Variants in RAD51B observed in about 807,000 individuals in gnomAD.
RAD51B encodes the protein DNA repair protein RAD51 homolog 2.
In RAD51B, 38 loss-of-function variants were observed where a neutral mutation model predicts 42.2. The ratio of observed to expected loss-of-function variants is 0.90; its 90% CI spans 0.70 to 1.18. The LOEUF (loss-of-function observed/expected upper bound fraction) is 1.18. RAD51B is among the 50% of genes most tolerant of loss of function. The pLI is 0.00. For missense variants in RAD51B, 373 were observed against 400.7 expected, an observed-to-expected ratio of 0.93 and a Z score of 0.59; for synonymous variants, 154 against 145.2, an observed-to-expected ratio of 1.06 and a Z score of -0.43.
chr14:68,358,581 T>C (rs1304325230), intron 8 of RAD51B, among the ~76,000 whole-genome samples: 1 of 152,234 alleles, frequency 6.6e-6, no homozygotes, highest in African/African-American at 2.4e-5. Flanking sequence ...AATATCTTAC[T>C]GTCATTTATG....
chr14:68,653,375 C>CA (rs905710156), intron 11 of RAD51B, among the ~76,000 whole-genome samples: 2 of 99,758 alleles, frequency 2.0e-5, no homozygotes, highest in Non-Finnish European at 4.7e-5. Flanking sequence ...CCCTGTCTTT[C>CA]AAAAAAACAA....
chr14:68,443,953 C>A (rs552538704), intron 9 of RAD51B, among the ~76,000 whole-genome samples: 1 of 152,052 alleles, frequency 6.6e-6, no homozygotes, highest in Non-Finnish European at 1.5e-5. Context: ...TGCTAGGTAC[C>A]TTTTCTTTAC....
chr14:68,191,197 GC>G (rs2079259641), intron 7 of RAD51B, among the ~76,000 whole-genome samples: 1 of 152,138 alleles, frequency 6.6e-6, no homozygotes, highest in Non-Finnish European at 1.5e-5. Context: ...AAGTATTCAT[GC>G]TTGGAAACCC....
At chr14:68,484,532 T>C (rs1883476783) in intron 10 of RAD51B, among the ~76,000 whole-genome samples, 2 of 152,092 alleles carry the variant, frequency 1.3e-5, no homozygotes, top group African/African-American at 4.8e-5. Flanking sequence ...TAATTTTTTG[T>C]ATTTTTAGTA....
downstream of RAD51B, among the ~76,000 whole-genome samples, chr14:68,615,200 G>T (rs2331779): frequency 0.2 from 30,961 of 152,144 alleles, 3,699 homozygotes; most frequent in African/African-American, 0.33. Flanking sequence ...ATTAATTCTT[G>T]AGAGAGGAAT....
At chr14:67,848,778 G>T (rs1387552146) in intron 4 of RAD51B, among the ~76,000 whole-genome samples, 1 of 152,164 alleles carries the variant, frequency 6.6e-6, no homozygotes, top group African/African-American at 2.4e-5. Context: ...GGCTGTTCTA[G>T]TTGAAACAAA....
chr14:68,259,246 T>A (rs1196500682), intron 7 of RAD51B, among the ~76,000 whole-genome samples: 2 of 134,932 alleles, frequency 1.5e-5, no homozygotes, highest in African/African-American at 5.6e-5. Context: ...ATTGTTCAAT[T>A]CCCACCTGTG....
At chr14:68,632,533 G>A (rs1353603378) in intron 10 of RAD51B, among the ~76,000 whole-genome samples, 3 of 152,186 alleles carry the variant, frequency 2.0e-5, no homozygotes, top group African/African-American at 7.2e-5. Flanking sequence ...CGGGAGCTCC[G>A]GATCGAGGGA....
At chr14:67,963,635 C>T (rs1043851181) in intron 7 of RAD51B, among the ~76,000 whole-genome samples, 1 of 152,016 alleles carries the variant, frequency 6.6e-6, no homozygotes, top group African/African-American at 2.4e-5. Flanking sequence ...TCAGTTTCTT[C>T]ATCTGTAATG....
At chr14:68,497,211 T>A (rs1884592483) in intron 10 of RAD51B, 1 of 1,379,000 alleles carries the variant, frequency 7.3e-7, no homozygotes, top group Admixed American at 2.2e-5. Context: ...AAACAAAATA[T>A]TGGGAAAGAG....
At chr14:67,831,975 G>A (rs1446328922) in intron 3 of RAD51B, among the ~76,000 whole-genome samples, 1 of 152,072 alleles carries the variant, frequency 6.6e-6, no homozygotes, top group Non-Finnish European at 1.5e-5. Flanking sequence ...ATGCATCCAC[G>A]TTGCCTGATG....
intron 7 of RAD51B, among the ~76,000 whole-genome samples, chr14:68,232,688 C>T (rs1251382841): frequency 6.6e-6 from 1 of 152,176 alleles, no homozygotes; most frequent in Non-Finnish European, 1.5e-5. Flanking sequence ...GGTAAATCAC[C>T]AGCTTGGTCT....
chr14:68,203,577 A>T (rs1024615517), intron 7 of RAD51B, among the ~76,000 whole-genome samples: 1 of 152,190 alleles, frequency 6.6e-6, no homozygotes, highest in African/African-American at 2.4e-5. Flanking sequence ...ATTAGCCCCT[A>T]CCGAGAGAGT....
chr14:68,330,354 G>A, intron 8 of RAD51B, among the ~76,000 whole-genome samples: 1 of 152,326 alleles, frequency 6.6e-6, no homozygotes, highest in East Asian at 1.9e-4. Context: ...GTGTCCAGAT[G>A]TTTCCCCCTT....
chr14:68,247,084 A>T (rs982649738), intron 7 of RAD51B, among the ~76,000 whole-genome samples: 36 of 152,222 alleles, frequency 2.4e-4, no homozygotes, highest in African/African-American at 8.0e-4. Flanking sequence ...GGCACAGATA[A>T]TCTTTAACAC....
At chr14:68,029,138 C>T (rs1180793335) in intron 7 of RAD51B, among the ~76,000 whole-genome samples, 1 of 152,212 alleles carries the variant, frequency 6.6e-6, no homozygotes, top group African/African-American at 2.4e-5. Flanking sequence ...TTCCCAGCTT[C>T]CTGTCTCATC....
chr14:68,528,099 G>A (rs116623719), intron 10 of RAD51B, among the ~76,000 whole-genome samples: 197 of 152,278 alleles, frequency 1.3e-3, no homozygotes, highest in Non-Finnish European at 2.1e-3. Flanking sequence ...CTAAAGCCAT[G>A]AGAAAAGGCT....
intron 10 of RAD51B, among the ~76,000 whole-genome samples, chr14:68,556,738 A>C (rs1365572857): frequency 6.6e-6 from 1 of 152,172 alleles, no homozygotes; most frequent in Admixed American, 6.5e-5. Context: ...CTTTGAATGC[A>C]AGACCAAGTG....
intron 7 of RAD51B, among the ~76,000 whole-genome samples, chr14:67,890,182 T>C (rs1161794109): frequency 6.6e-6 from 1 of 152,218 alleles, no homozygotes; most frequent in African/African-American, 2.4e-5. Context: ...ATAGTTATTA[T>C]ACGTATTGTA....
Sources: gnomAD v4.1 joint callset for allele counts (sites outside exome capture counted in the v4.1 genomes callset) on GRCh38, gnomAD v4.1.1 for gene constraint, MANE v1.5 for transcripts, NCBI Gene and HGNC (gene_info 2026-07-23, HGNC 2026-07-21) for gene names.